The following PRIM2 variants were observed in gnomAD, a reference collection of about 807,000 sequenced individuals.
PRIM2 encodes DNA primase large subunit.
In PRIM2, 39 loss-of-function variants were observed where a neutral mutation model predicts 67.3. The ratio of observed to expected loss-of-function variants is 0.58; its 90% CI spans 0.45 to 0.76. The LOEUF is 0.76. Ranked by LOEUF, PRIM2 falls within the 30% of genes least tolerant of loss-of-function variation. The pLI is 0.00. For missense variants in PRIM2, 398 were observed against 598.7 expected, an observed-to-expected ratio of 0.66 and a Z score of 3.50; for synonymous variants, 143 against 198.7, an observed-to-expected ratio of 0.72 and a Z score of 2.36.
At chr6:57,255,430 A>G in the PRIM2 span, among the ~76,000 whole-genome samples, 10 of 151,652 alleles carry the variant, frequency 6.6e-5, no homozygotes, top group African/African-American at 1.9e-4. Context: ...CCCGGGAGGC[A>G]GAGCTTGCAG....
At chr6:57,635,209 C>T (rs1777098617) in intron 13 of PRIM2, among the ~76,000 whole-genome samples, 1 of 151,948 alleles carries the variant, frequency 6.6e-6, no homozygotes, top group Non-Finnish European at 1.5e-5. Context: ...CATTGCAAAA[C>T]CTCTTGATTA....
chr6:57,505,509 A>C (rs1303941373), intron 7 of PRIM2, among the ~76,000 whole-genome samples: 1 of 152,206 alleles, frequency 6.6e-6, no homozygotes, highest in African/African-American at 2.4e-5. Context: ...CCTAAAAGGA[A>C]AATTTTAAGA....
chr6:57,479,554 G>A (rs1468548475), intron 7 of PRIM2, among the ~76,000 whole-genome samples: 2,074 of 152,226 alleles, frequency 0.014, 47 homozygotes, highest in African/African-American at 0.047. Context: ...TAAAAGCTAC[G>A]TTTTTAAGTG....
intron 10 of PRIM2, among the ~76,000 whole-genome samples, chr6:57,594,843 G>A (rs1436497946): frequency 6.6e-6 from 1 of 152,150 alleles, no homozygotes; most frequent in African/African-American, 2.4e-5. Context: ...ATAACATCAA[G>A]TTGATAAGCC....
chr6:57,336,525 C>T (rs771538853), intron 5 of PRIM2, among the ~76,000 whole-genome samples: 2 of 152,178 alleles, frequency 1.3e-5, no homozygotes, highest in East Asian at 1.9e-4. Flanking sequence ...CACAAACTCT[C>T]CAAGCCAGAA....
At chr6:57,357,377 T>C (rs1020708894) in intron 5 of PRIM2, among the ~76,000 whole-genome samples, 1 of 152,216 alleles carries the variant, frequency 6.6e-6, no homozygotes, top group Non-Finnish European at 1.5e-5. Flanking sequence ...CTCTCATCCC[T>C]GTTTACCTCC....
At chr6:57,500,168 G>A (rs1554346734) in intron 7 of PRIM2, among the ~76,000 whole-genome samples, 1 of 151,956 alleles carries the variant, frequency 6.6e-6, no homozygotes. Flanking sequence ...TTATGTACAT[G>A]TCTTCCTTTC....
the PRIM2 span, among the ~76,000 whole-genome samples, chr6:57,266,800 T>C: frequency 6.6e-6 from 1 of 152,230 alleles, no homozygotes; most frequent in Non-Finnish European, 1.5e-5. Flanking sequence ...CAGTGCCAAT[T>C]TGGAACCGAT....
At chr6:57,339,962 CAA>C (rs1768411335) in intron 5 of PRIM2, among the ~76,000 whole-genome samples, 1 of 151,302 alleles carries the variant, frequency 6.6e-6, no homozygotes, top group South Asian at 2.1e-4. Flanking sequence ...ACTCATCTGA[CAA>C]AGGGCTAATA....
rs539648103 is a variant in PRIM2 at position 57,374,590 on chromosome 6, C to A, written c.460-5311C>A. Among the ~76,000 whole-genome samples, 12 of 145,916 alleles carry A rather than the reference C, an allele frequency of 8.2e-5. No individual in the cohort carries two copies. The South Asian group carries it at 2.6e-3, about 32-fold the overall frequency. Reference sequence around the variant, plus strand: ...TACAGGCGTGAGCCACCGCGCCCGGCCTTATTTATTTATTTTTTGAGACAG... The same window carrying A: ...TACAGGCGTGAGCCACCGCGCCCGGACTTATTTATTTATTTTTTGAGACAG... On this transcript the variant is annotated intron_variant, in intron 5 of 13. Coordinates refer to ENST00000615550, the MANE Select transcript of PRIM2 (RefSeq NM_000947.5).
At chr6:57,338,408 A>G (rs1209513090) in intron 5 of PRIM2, among the ~76,000 whole-genome samples, 1 of 151,986 alleles carries the variant, frequency 6.6e-6, no homozygotes, top group Non-Finnish European at 1.5e-5. Context: ...ACAACCAAAA[A>G]AGAGAATTTG....
At chr6:57,520,682 C>G (rs1774593566) in intron 8 of PRIM2, among the ~76,000 whole-genome samples, 1 of 152,064 alleles carries the variant, frequency 6.6e-6, no homozygotes, top group South Asian at 2.1e-4. Context: ...AAAAAATCCA[C>G]CCGTTTAAAG....
At chr6:57,553,032 T>C (rs1775435109) in intron 10 of PRIM2, among the ~76,000 whole-genome samples, 1 of 152,210 alleles carries the variant, frequency 6.6e-6, no homozygotes, top group Non-Finnish European at 1.5e-5. Flanking sequence ...AATGAGTAAA[T>C]ATGAAACAAT....
At chr6:57,381,180 A>G (rs1769949356) in intron 6 of PRIM2, among the ~76,000 whole-genome samples, 1 of 152,220 alleles carries the variant, frequency 6.6e-6, no homozygotes, top group African/African-American at 2.4e-5. Flanking sequence ...TTGCAGTTGT[A>G]GAAATAGGTA....
intron 7 of PRIM2, among the ~76,000 whole-genome samples, chr6:57,503,077 A>G (rs1390435705): frequency 6.6e-6 from 1 of 152,226 alleles, no homozygotes; most frequent in East Asian, 1.9e-4. Context: ...AATATTTCAG[A>G]TGGGTAAACC....
At chr6:57,330,501 A>AT (rs1335689820) in intron 5 of PRIM2, among the ~76,000 whole-genome samples, 1 of 151,314 alleles carries the variant, frequency 6.6e-6, no homozygotes, top group East Asian at 1.9e-4. Flanking sequence ...CACCCTGCTA[A>AT]TTTTTTGTAT....
chr6:57,336,040 G>A (rs1192342319), intron 5 of PRIM2, among the ~76,000 whole-genome samples: 1 of 152,004 alleles, frequency 6.6e-6, no homozygotes, highest in African/African-American at 2.4e-5. Context: ...GAAAACCAAG[G>A]CTCGAGAACT....
At chr6:57,372,172 C>T (rs1489005559) in intron 5 of PRIM2, among the ~76,000 whole-genome samples, 2 of 152,096 alleles carry the variant, frequency 1.3e-5, no homozygotes. Context: ...TTTATCTTGT[C>T]CATCACCAAA....
At chr6:57,332,369 A>G (rs914401212) in intron 5 of PRIM2, among the ~76,000 whole-genome samples, 2 of 152,096 alleles carry the variant, frequency 1.3e-5, no homozygotes, top group Non-Finnish European at 1.5e-5. Flanking sequence ...TTCTGTAGAT[A>G]CAGTCTGTAA....
Sources: gnomAD v4.1 joint callset for allele counts (sites outside exome capture counted in the v4.1 genomes callset) on GRCh38, gnomAD v4.1.1 for gene constraint, MANE v1.5 for transcripts, NCBI Gene and HGNC (gene_info 2026-07-23, HGNC 2026-07-21) for gene names.